The following ATAD2B variants were observed in gnomAD, a reference collection of about 807,000 sequenced individuals.
The protein encoded by ATAD2B is ATPase family AAA domain-containing protein 2B.
A neutral mutation model predicts 167.6 loss-of-function variants in ATAD2B; 40 were observed. That is an observed-to-expected ratio of 0.24 (90% confidence interval 0.19 to 0.31). The LOEUF (loss-of-function observed/expected upper bound fraction) is 0.31. Among genes scored for constraint, ATAD2B ranks in the 10% least tolerant of loss-of-function variants. The pLI is 1.00. For missense variants in ATAD2B, 1,242 were observed against 1,757.2 expected, an observed-to-expected ratio of 0.71 and a Z score of 5.24; for synonymous variants, 579 against 596.5, an observed-to-expected ratio of 0.97 and a Z score of 0.43.
At chr2:23,788,327 G>T in intron 20 of ATAD2B, 185 bp downstream of exon 20, 1 of 620,258 alleles carries the variant, frequency 1.6e-6, no homozygotes, top group Non-Finnish European at 2.8e-6. Context: ...GCTTTAACAA[G>T]GCTATACTTC....
At chr2:23,737,530 A>C in the ATAD2B span, among the ~76,000 whole-genome samples, 1 of 152,174 alleles carries the variant, frequency 6.6e-6, no homozygotes, top group Non-Finnish European at 1.5e-5. Context: ...GGACATCCAC[A>C]CCAAAAACCC....
At chr2:23,910,575 G>A (rs1702143581) in intron 1 of ATAD2B, among the ~76,000 whole-genome samples, 1 of 151,832 alleles carries the variant, frequency 6.6e-6, no homozygotes, top group South Asian at 2.1e-4. Flanking sequence ...TTTTTTAAAA[G>A]AGATGGTGTC....
intron 13 of ATAD2B, among the ~76,000 whole-genome samples, chr2:23,843,256 G>A (rs1053691445): frequency 1.3e-5 from 2 of 152,108 alleles, no homozygotes; most frequent in African/African-American, 4.8e-5. Flanking sequence ...ACATGACAAA[G>A]CAAAAATAAG....
downstream of ATAD2B, among the ~76,000 whole-genome samples, chr2:23,743,959 T>C (rs1674655612): frequency 6.6e-6 from 1 of 152,094 alleles, no homozygotes; most frequent in South Asian, 2.1e-4. Context: ...ATAAATACAA[T>C]GAAGACTATT....
intron 13 of ATAD2B, among the ~76,000 whole-genome samples, chr2:23,835,166 G>T (rs2712048): frequency 6.6e-6 from 1 of 152,224 alleles, no homozygotes; most frequent in Non-Finnish European, 1.5e-5. Flanking sequence ...TCTGTTAAAC[G>T]TAAGAGTTGC....
intron 18 of ATAD2B, among the ~76,000 whole-genome samples, chr2:23,805,795 T>TAA (rs3030816): frequency 6.9e-5 from 7 of 100,964 alleles, no homozygotes; most frequent in African/African-American, 2.4e-4. Context: ...TATCAAGCTT[T>TAA]AAAAAAAAAA....
intron 2 of ATAD2B, among the ~76,000 whole-genome samples, chr2:23,891,223 T>C (rs1267748581): frequency 2.6e-5 from 4 of 152,136 alleles, no homozygotes; most frequent in South Asian, 2.1e-4. Context: ...TTTCACCATG[T>C]TGGCCAGGCT....
chr2:23,924,422 A>G (rs183592044), intron 1 of ATAD2B, among the ~76,000 whole-genome samples: 8 of 152,356 alleles, frequency 5.3e-5, no homozygotes, highest in Admixed American at 2.6e-4. Flanking sequence ...GAAAGGGTGA[A>G]CCAGGAGTGC....
In ATAD2B at chr2:23,819,804, G is replaced by A; in HGVS notation, c.2210C>T (p.Ser737Leu). 1 of 1,607,324 alleles carries A rather than the reference G, an allele frequency of 6.2e-7. No individual in the cohort carries two copies. The highest frequency in any genetic ancestry group is 8.5e-7 in the Non-Finnish European group (1 of 1,174,286). Residue 737 changes from serine (S) to leucine (L), a missense_variant, in exon 17 of 28, where the codon TCA becomes TTA. Transcript: ENST00000238789. ...SIFETNCHSG[S>L]PKKQSSSAAI... ...AGCAGATGATGACTGTTTCTTTGGT[G>A]ATCCTGAGTGACAATTGGTCTCAAA... is the stretch of plus-strand genomic sequence containing the variant.
chr2:23,824,067 G>A (rs1247739502), intron 15 of ATAD2B, among the ~76,000 whole-genome samples: 3 of 152,092 alleles, frequency 2.0e-5, no homozygotes, highest in Non-Finnish European at 2.9e-5. Flanking sequence ...TCCCACTTCA[G>A]CCTTCTGAGT....
intron 16 of ATAD2B, 108 bp from the exon 17 acceptor site, chr2:23,819,990 TTATC>T: frequency 1.4e-6 from 1 of 714,370 alleles, no homozygotes; most frequent in Middle Eastern, 4.1e-4. Flanking sequence ...CATTAATAAG[TTATC>T]TATCAAATAA....
intron 13 of ATAD2B, among the ~76,000 whole-genome samples, chr2:23,845,189 C>T (rs1043195944): frequency 6.6e-6 from 1 of 152,138 alleles, no homozygotes; most frequent in African/African-American, 2.4e-5. Flanking sequence ...AAACTACCAT[C>T]CTGCCTAGCA....
At chr2:23,739,126 C>T in the ATAD2B span, among the ~76,000 whole-genome samples, 11 of 152,292 alleles carry the variant, frequency 7.2e-5, no homozygotes, top group African/African-American at 2.6e-4. Context: ...CCACTGTCAA[C>T]ATTAGACAGA....
chr2:23,884,442 G>A (rs922573174), intron 6 of ATAD2B, among the ~76,000 whole-genome samples: 1 of 152,148 alleles, frequency 6.6e-6, no homozygotes, highest in Non-Finnish European at 1.5e-5. Context: ...TATCCAGTTA[G>A]AAGGTGCCTA....
At chr2:23,889,491 T>A (rs528775993) in intron 2 of ATAD2B, among the ~76,000 whole-genome samples, 32 of 152,096 alleles carry the variant, frequency 2.1e-4, no homozygotes, top group Non-Finnish European at 1.5e-4. Flanking sequence ...TCTATGTGGT[T>A]TGCACAAATT....
At chr2:23,825,704 A>C (rs1688142606) in intron 15 of ATAD2B, among the ~76,000 whole-genome samples, 1 of 152,174 alleles carries the variant, frequency 6.6e-6, no homozygotes, top group Non-Finnish European at 1.5e-5. Flanking sequence ...TTTCTTCTTT[A>C]AAAGGATATA....
intron 20 of ATAD2B, among the ~76,000 whole-genome samples, chr2:23,787,945 G>A (rs1254054841): frequency 6.6e-6 from 1 of 152,048 alleles, no homozygotes; most frequent in Non-Finnish European, 1.5e-5. Context: ...CTCAATTCTT[G>A]AGTCCAAAAT....
Position 23,805,540 on chromosome 2 carries a change from A to G in ATAD2B, c.2454+4776T>C, listed in dbSNP as rs1684230788. The stretch of plus-strand genomic sequence containing the variant: ...GTTTCGTGTGGCAATTACACACGAC[A>G]CAGTGACAAATATCCTTGTTCATTT... On this transcript the variant is annotated intron_variant, in intron 18 of 27. Coordinates refer to ENST00000238789, the MANE Select transcript of ATAD2B (RefSeq NM_017552.4). Among the ~76,000 whole-genome samples the G allele has an allele frequency of 2.6e-5, 4 of 152,370 alleles. No homozygotes were observed. In the South Asian group the frequency reaches 8.3e-4, roughly 32 times the overall value.
chr2:23,877,067 C>CAAA (rs36018928), intron 7 of ATAD2B, among the ~76,000 whole-genome samples: 20 of 109,090 alleles, frequency 1.8e-4, no homozygotes, highest in African/African-American at 6.9e-4. Context: ...AACTCCATCT[C>CAAA]AAAAAAAAAA....
Sources: allele counts gnomAD v4.1 joint callset (sites outside exome capture counted in the v4.1 genomes callset), GRCh38; gene constraint gnomAD v4.1.1; transcripts MANE v1.5; gene names NCBI Gene and HGNC (gene_info 2026-07-23, HGNC 2026-07-21).